PPP2R5A: variants seen among roughly 807,000 people sequenced by gnomAD.
PPP2R5A encodes the protein protein phosphatase 2 regulatory subunit B'alpha, also known as serine/threonine-protein phosphatase 2A 56 kDa regulatory subunit alpha isoform.
A neutral mutation model predicts 64.2 loss-of-function variants in PPP2R5A; 25 were observed. That is an observed-to-expected ratio of 0.39 (90% CI 0.28 to 0.54). The LOEUF (loss-of-function observed/expected upper bound fraction) is 0.54. Ranked by LOEUF, PPP2R5A falls within the 20% of genes least tolerant of loss-of-function variation. The pLI is 0.67. For synonymous variants in PPP2R5A, 198 were observed against 201.2 expected, an observed-to-expected ratio of 0.98 and a Z score of 0.13; for missense variants, 425 against 576.3, an observed-to-expected ratio of 0.74 and a Z score of 2.69.
intron 1 of PPP2R5A, among the ~76,000 whole-genome samples, chr1:212,292,485 T>C (rs371620404): frequency 6.6e-6 from 1 of 151,870 alleles, no homozygotes; most frequent in African/African-American, 2.4e-5. Flanking sequence ...GGTTGTCTTA[T>C]AGTCACTCCT....
At chr1:212,357,921 C>T (rs6659594) in intron 11 of PPP2R5A, 55,801 of 152,156 alleles carry the variant, frequency 0.37, 10,431 homozygotes, top group African/African-American at 0.41. Flanking sequence ...CTCAGCCTCC[C>T]GAGTAGCTAC....
chr1:212,348,330 A>C, intron 6 of PPP2R5A, 59 bp from the exon 7 acceptor site: 1 of 1,075,942 alleles, frequency 9.3e-7, no homozygotes, highest in Non-Finnish European at 1.4e-6. Flanking sequence ...TGGATATGAC[A>C]GCTTTTAGAA....
chr1:212,347,318 A>G, intron 5 of PPP2R5A, 29 bp from the exon 6 acceptor site: 1 of 1,483,294 alleles, frequency 6.7e-7, no homozygotes, highest in Non-Finnish European at 9.3e-7. Flanking sequence ...TTTGATTTTG[A>G]TTACATCTTG....
chr1:212,323,104 T>G (rs1659341672), intron 1 of PPP2R5A, among the ~76,000 whole-genome samples: 1 of 152,184 alleles, frequency 6.6e-6, no homozygotes, highest in Non-Finnish European at 1.5e-5. Flanking sequence ...ATTTTTAATT[T>G]TTCTGTTTAT....
At chr1:212,329,645 A>G (rs973168744) in intron 2 of PPP2R5A, among the ~76,000 whole-genome samples, 1 of 152,006 alleles carries the variant, frequency 6.6e-6, no homozygotes, top group African/African-American at 2.4e-5. Context: ...GAGAACTTTT[A>G]TTTTTATTTA....
At chr1:212,297,440 A>G (rs955761955) in intron 1 of PPP2R5A, 6 of 152,104 alleles carry the variant, frequency 3.9e-5, no homozygotes, top group Non-Finnish European at 7.4e-5. Flanking sequence ...ATAACTTGAA[A>G]TGAGATTTGC....
intron 1 of PPP2R5A, among the ~76,000 whole-genome samples, chr1:212,316,613 T>TTTTTTTTTTTTTTTTGA (rs1491340211): frequency 7.2e-6 from 1 of 138,850 alleles, no homozygotes; most frequent in African/African-American, 2.9e-5. Context: ...TTTTTTTTTT[T>TTTTTTTTTTTTTTTTGA]AATCTGAAAG....
chr1:212,355,145 T>C (rs1486372474), intron 8 of PPP2R5A, among the ~76,000 whole-genome samples: 3 of 152,234 alleles, frequency 2.0e-5, no homozygotes, highest in African/African-American at 7.2e-5. Context: ...ATGCACATTA[T>C]AGTTGTTGTT....
In PPP2R5A at chr1:212,285,855, C is replaced by G; in HGVS notation, c.-256C>G. ...CAACAACTTCTTCACCCCCCTCCGC[C>G]CCCGCCCTTCCCTCCGTCAGCCCCG... On this transcript the variant is annotated 5_prime_UTR_variant, in exon 1 of 13. Coordinates refer to ENST00000261461, the MANE Select transcript of PPP2R5A (RefSeq NM_006243.4). The G allele has an allele frequency of 2.6e-6, 1 of 381,194 alleles. No individual in the cohort carries two copies. Among genetic ancestry groups the G allele is most frequent in the African/African-American group, 2.1e-5 (1 of 47,394 alleles). The allele number at this position is 381,194 out of a possible 1,614,324, so 23.6% of individuals were successfully genotyped here.
chr1:212,349,102 A>C, intron 7 of PPP2R5A, 87 bp from the exon 8 acceptor site: 1 of 758,720 alleles, frequency 1.3e-6, no homozygotes, highest in Non-Finnish European at 1.9e-6. Context: ...AAAATGAGGT[A>C]GTCTAAAAAA....
In PPP2R5A at chr1:212,345,928, C is replaced by T. The variant is rs369603984; in HGVS notation, c.699C>T (p.Phe233=). The T allele has an allele frequency of 4.6e-5, 74 of 1,593,384 alleles. No homozygotes were observed. In the African/African-American group the frequency reaches 9.5e-4, roughly 20 times the overall value. The change falls in exon 5 of 13, where the codon TTC becomes TTT. Residue 233 remains phenylalanine, a synonymous_variant. Coordinates refer to ENST00000261461, the MANE Select transcript of PPP2R5A (RefSeq NM_006243.4). ...TCAGAAAACAAATTAACAACATTTT[C>T]CTCAGGTAAATTAATCATTTATTGT... is the stretch of plus-strand genomic sequence containing the variant. ...AFIRKQINNI[F]LRFIYETEHF...
chr1:212,313,861 A>G (rs933527322), intron 1 of PPP2R5A: 1 of 152,240 alleles, frequency 6.6e-6, no homozygotes, highest in African/African-American at 2.4e-5. Context: ...CATCTTGGCT[A>G]TTCTTGGCAC....
At position 212,361,297 on chromosome 1, in the gene PPP2R5A, C is replaced by T. The variant is rs1181825499; in HGVS notation, c.*527C>T. 6.6e-6 allele frequency: 1 copy of T among 152,594 alleles called. No individual in the cohort carries two copies. Among genetic ancestry groups the T allele is most frequent in the Non-Finnish European group, 1.5e-5 (1 of 68,042 alleles). The allele number at this position is 152,594 out of a possible 1,614,324, so 9.5% of individuals were successfully genotyped here. A position where few individuals can be genotyped will look rare whatever the true frequency, so the allele number is the denominator to read the frequency against. On this transcript the variant is annotated 3_prime_UTR_variant, in exon 13 of 13. Coordinates refer to ENST00000261461, the MANE Select transcript of PPP2R5A (RefSeq NM_006243.4). ...AACCCCTCCCTCAATAAATACATTACTGTACTCTGGAATTTAGGCAAAACC... is the reference window on the plus strand; with the variant it reads ...AACCCCTCCCTCAATAAATACATTATTGTACTCTGGAATTTAGGCAAAACC...
rs564511455 is a variant in PPP2R5A at position 212,342,112 on chromosome 1, T to C, written c.481-76T>C. 11 of 1,523,926 alleles carry C rather than the reference T, an allele frequency of 7.2e-6. No individual in the cohort carries two copies. In the Admixed American group the frequency reaches 1.5e-4, roughly 20 times the overall value. The allele number at this position is 1,523,926 out of a possible 1,614,324, so 94.4% of individuals were successfully genotyped here. ...CACTAAGTTGGTAAGAAAAGGTGTG[T>C]TTTTAATATGAAGTGATTATTTAGG... On this transcript the variant is annotated intron_variant, in intron 3 of 12. Transcript: ENST00000261461.
chr1:212,302,096 T>G, intron 1 of PPP2R5A: 1 of 1,513,490 alleles, frequency 6.6e-7, no homozygotes, highest in Non-Finnish European at 8.9e-7. Flanking sequence ...ATAATGAGTA[T>G]GTATATTAAG....
chr1:212,355,661 A>G (rs1659965232), intron 8 of PPP2R5A, among the ~76,000 whole-genome samples: 1 of 152,074 alleles, frequency 6.6e-6, no homozygotes, highest in Admixed American at 6.6e-5. Context: ...AATCTTTTAA[A>G]ATGATCTGGG....
chr1:212,310,789 A>G (rs776022367), intron 1 of PPP2R5A, among the ~76,000 whole-genome samples: 4 of 152,204 alleles, frequency 2.6e-5, no homozygotes, highest in Non-Finnish European at 5.9e-5. Context: ...CCTGCCTTTC[A>G]GTTGCACTTG....
chr1:212,356,520 T>C lies in PPP2R5A; in HGVS notation c.928-106T>C, dbSNP rs1367294033. On this transcript the variant is annotated intron_variant, in intron 8 of 12. Transcript: ENST00000261461. ...ATTTATACACATATATTAAGCAATA[T>C]TGATTTACTTCAGAATGAGTGTTGA... 6.8e-6 allele frequency: 7 copies of C among 1,036,736 alleles called. No individual in the cohort carries two copies. In the South Asian group the frequency reaches 1.2e-4, roughly 17 times the overall value. 64.2% of individuals were successfully genotyped at this position (1,036,736 alleles called of 1,614,324 possible). A position where few individuals can be genotyped will look rare whatever the true frequency, so the allele number is the denominator to read the frequency against.
intron 1 of PPP2R5A, among the ~76,000 whole-genome samples, chr1:212,325,774 A>G (rs181977245): frequency 6.6e-6 from 1 of 152,286 alleles, no homozygotes; most frequent in Admixed American, 6.5e-5. Context: ...TTTCCTGTAC[A>G]CTATGGATTG....
Sources: gnomAD v4.1 joint callset for allele counts (sites outside exome capture counted in the v4.1 genomes callset) on GRCh38, gnomAD v4.1.1 for gene constraint, MANE v1.5 for transcripts, NCBI Gene and HGNC (gene_info 2026-07-23, HGNC 2026-07-21) for gene names.